Variants in TRPC7 observed in about 807,000 individuals in gnomAD.
TRPC7 encodes short transient receptor potential channel 7.
TRPC7 carries 42 observed loss-of-function variants against 90.1 expected under a neutral mutation model. The ratio of observed to expected loss-of-function variants is 0.47; its 90% CI spans 0.36 to 0.60. TRPC7 has a LOEUF of 0.60. Ranked by LOEUF, TRPC7 falls within the 20% of genes least tolerant of loss-of-function variation. TRPC7 has a pLI of 0.00. For missense variants in TRPC7, 955 were observed against 1,112.3 expected, an observed-to-expected ratio of 0.86 and a Z score of 2.01; for synonymous variants, 451 against 436.3, an observed-to-expected ratio of 1.03 and a Z score of -0.42.
intron 3 of TRPC7, among the ~76,000 whole-genome samples, chr5:136,280,159 A>AAAAC (rs201882030): frequency 0.03 from 4,554 of 152,042 alleles, 223 homozygotes; most frequent in African/African-American, 0.1. Context: ...GACTCTGTCA[A>AAAAC]AAACAAACAA....
intron 3 of TRPC7, among the ~76,000 whole-genome samples, chr5:136,299,085 T>C (rs1758281426): frequency 6.6e-6 from 1 of 151,906 alleles, no homozygotes; most frequent in Non-Finnish European, 1.5e-5. Flanking sequence ...GGTGGTCACC[T>C]GAGGTTGGGA....
intron 7 of TRPC7, among the ~76,000 whole-genome samples, chr5:136,238,158 C>CT (rs1756048613): frequency 6.6e-6 from 1 of 152,220 alleles, no homozygotes; most frequent in Non-Finnish European, 1.5e-5. Flanking sequence ...TCCACGAGAC[C>CT]TTCTTTGACG....
chr5:136,342,062 C>G (rs1036441529), intron 2 of TRPC7, among the ~76,000 whole-genome samples: 1 of 152,152 alleles, frequency 6.6e-6, no homozygotes, highest in Non-Finnish European at 1.5e-5. Flanking sequence ...TTTATTCATG[C>G]CTTGTTGGCT....
intron 7 of TRPC7, among the ~76,000 whole-genome samples, chr5:136,244,191 C>T (rs1424497254): frequency 3.3e-5 from 5 of 149,776 alleles, no homozygotes; most frequent in African/African-American, 1.2e-4. Flanking sequence ...CTTCCTTCCT[C>T]TCCCTCCTCC....
chr5:136,257,181 CTTTCT>C lies in TRPC7; in HGVS notation c.1346-5304_1346-5300del, dbSNP rs1417627130. Among the ~76,000 whole-genome samples the C allele has an allele frequency of 1.0e-3, 150 of 150,160 alleles. 3 individuals carry two copies. The highest frequency in any genetic ancestry group is 3.7e-4 in the Non-Finnish European group (25 of 67,490). On this transcript the variant is annotated intron_variant, in intron 5 of 11. Transcript: ENST00000513104. Reference sequence around the variant, plus strand: ...AAATAAAAGGATTTAAAATGTTTTTCTTTCTTTTTTTTTTTTTTTGCGATGGAGTC... The same window carrying C: ...AAATAAAAGGATTTAAAATGTTTTTCTTTTTTTTTTTTTTGCGATGGAGTC...
chr5:136,308,606 G>A (rs1580936193), intron 3 of TRPC7, among the ~76,000 whole-genome samples: 1 of 152,214 alleles, frequency 6.6e-6, no homozygotes, highest in African/African-American at 2.4e-5. Flanking sequence ...TGTGCAGACA[G>A]AGGAAATGAA....
chr5:136,356,473 C>T (rs997103392), intron 2 of TRPC7, 135 bp downstream of exon 2: 3 of 896,214 alleles, frequency 3.3e-6, no homozygotes, highest in Non-Finnish European at 3.2e-6. Flanking sequence ...GTGTTCCCCT[C>T]CTCCCCTGGG....
chr5:136,270,697 G>A (rs1561695509), intron 4 of TRPC7, among the ~76,000 whole-genome samples: 1 of 152,198 alleles, frequency 6.6e-6, no homozygotes, highest in Non-Finnish European at 1.5e-5. Flanking sequence ...AGTGTGATAG[G>A]AAATAGATGG....
chr5:136,234,571 G>A (rs754807685), intron 7 of TRPC7, among the ~76,000 whole-genome samples: 2 of 152,108 alleles, frequency 1.3e-5, no homozygotes, highest in East Asian at 1.9e-4. Context: ...GCCTCCCAAG[G>A]TGCTGGGATT....
chr5:136,226,144 A>G lies in TRPC7; in HGVS notation c.2152T>C (p.Phe718Leu), dbSNP rs1257701506. ...PFNLVPSPKS[F>L]YYLIMRIKMC... ...TTGATTCTCATTATGAGATAATAAA[A>G]TGATTTAGGACTTGGCACTAGATTA... The change falls in exon 9 of 12, where the codon TTT (phenylalanine) becomes CTT (leucine). Residue 718 changes from phenylalanine (F) to leucine (L), a missense_variant. Around this residue, in one of 4 missense-constraint regions of TRPC7, gnomAD observed 296 missense variants for 422.7 expected, o/e 0.70. Transcript: ENST00000513104. 6.3e-7 allele frequency: 1 copy of G among 1,578,734 alleles called. No individual in the cohort carries two copies. Among genetic ancestry groups the G allele is most frequent in the East Asian group, 2.3e-5 (1 of 44,072 alleles).
At chr5:136,290,296 G>A (rs1757893365) in intron 3 of TRPC7, among the ~76,000 whole-genome samples, 1 of 152,228 alleles carries the variant, frequency 6.6e-6, no homozygotes, top group African/African-American at 2.4e-5. Context: ...GATGGAGAAT[G>A]ACTTTGACGA....
At chr5:136,301,178 C>T (rs939285771) in intron 3 of TRPC7, among the ~76,000 whole-genome samples, 1 of 152,004 alleles carries the variant, frequency 6.6e-6, no homozygotes, top group African/African-American at 2.4e-5. Flanking sequence ...AGGCACACAC[C>T]ACCATGCCCA....
At chr5:136,361,815 T>A (rs370590690) in intron 1 of TRPC7, among the ~76,000 whole-genome samples, 2 of 152,138 alleles carry the variant, frequency 1.3e-5, no homozygotes, top group African/African-American at 4.8e-5. Context: ...ATATTCTGAG[T>A]ATTAGTCTAG....
intron 2 of TRPC7, among the ~76,000 whole-genome samples, chr5:136,326,408 G>A (rs1441614538): frequency 6.6e-6 from 1 of 152,146 alleles, no homozygotes; most frequent in Non-Finnish European, 1.5e-5. Context: ...CTATTCGGTG[G>A]GTGCATGGAT....
At chr5:136,274,623 GAA>G (rs1561696975) in intron 4 of TRPC7, 48 bp downstream of exon 4, 17 of 1,519,134 alleles carry the variant, frequency 1.1e-5, no homozygotes, top group Non-Finnish European at 1.5e-5. Context: ...ATCATGCTAA[GAA>G]GAGAGAAGAA....
chr5:136,274,627 A>G, intron 4 of TRPC7, 46 bp downstream of exon 4: 1 of 1,529,312 alleles, frequency 6.5e-7, no homozygotes, highest in Non-Finnish European at 8.8e-7. Context: ...TGCTAAGAAG[A>G]GAGAAGAAAT....
At chr5:136,309,302 G>A (rs1758751735) in intron 3 of TRPC7, among the ~76,000 whole-genome samples, 1 of 152,058 alleles carries the variant, frequency 6.6e-6, no homozygotes, top group South Asian at 2.1e-4. Flanking sequence ...TAAAAATGCA[G>A]TCTATTGCCA....
intron 6 of TRPC7, among the ~76,000 whole-genome samples, chr5:136,251,303 G>C (rs4357029): frequency 0.15 from 23,580 of 152,136 alleles, 2,356 homozygotes; most frequent in South Asian, 0.39. Flanking sequence ...TCCCTTTAGC[G>C]CTCCTGGATG....
intron 3 of TRPC7, among the ~76,000 whole-genome samples, chr5:136,311,486 G>A (rs920273368): frequency 3.9e-5 from 6 of 152,170 alleles, no homozygotes; most frequent in African/African-American, 1.4e-4. Context: ...AGGCTGGTTG[G>A]GTTGGTTCCC....
Sources: allele counts gnomAD v4.1 joint callset (sites outside exome capture counted in the v4.1 genomes callset), GRCh38; gene constraint gnomAD v4.1.1; regional missense constraint gnomAD v4.1.1; transcripts MANE v1.5; gene names NCBI Gene and HGNC (gene_info 2026-07-23, HGNC 2026-07-21).